Variants in PTCD2 observed in about 807,000 individuals in gnomAD.
PTCD2 encodes pentatricopeptide repeat-containing protein 2, mitochondrial.
PTCD2 carries 31 observed loss-of-function variants against 42.6 expected under a neutral mutation model. The observed-to-expected ratio is 0.73, with a 90% CI of 0.55 to 0.98. The LOEUF is 0.98. Among genes scored for constraint, PTCD2 ranks in the 50% least tolerant of loss-of-function variants. The pLI is 0.00. For missense variants in PTCD2, 476 were observed against 454.8 expected (o/e 1.05, Z -0.42); for synonymous variants, 183 against 170.9 (o/e 1.07, Z -0.55).
At chr5:72,326,561 T>G (rs1312112569) in intron 2 of PTCD2, 51 bp from the exon 3 acceptor site, 1 of 1,606,806 alleles carries the variant, frequency 6.2e-7, no homozygotes, top group Non-Finnish European at 8.5e-7. Flanking sequence ...TCAGACTCCT[T>G]ATACTCTCAG....
rs1362484204 is a variant in PTCD2 at position 72,362,010 on chromosome 5, T to C, written c.*3583T>C. The C allele has an allele frequency of 6.6e-5, 10 of 152,296 alleles. No homozygotes were observed. The East Asian group carries it at 1.9e-3, about 29-fold the overall frequency. 9.4% of individuals were successfully genotyped at this position (152,296 alleles called of 1,614,324 possible). A position where few individuals can be genotyped will look rare whatever the true frequency, so the allele number is the denominator to read the frequency against. ...TGCCATGTCTGTCCTTTCTGCTCTG[T>C]TTGCTGGGTGCCTAGCATGGTAGGG... On this transcript the variant is annotated 3_prime_UTR_variant, in exon 10 of 10. Transcript: ENST00000380639.
rs938983819 is a variant in PTCD2, at chr5:72,360,361, T to A, written c.*1934T>A. ...TGTGGGTGAGTGTGGCCTTGGTTGTTAGCTAACAACCATTCATTAGCGAAA... is the reference window on the plus strand; with the variant it reads ...TGTGGGTGAGTGTGGCCTTGGTTGTAAGCTAACAACCATTCATTAGCGAAA... On this transcript the variant is annotated 3_prime_UTR_variant, in exon 10 of 10. Transcript: ENST00000380639. 1 of 152,206 alleles carries A rather than the reference T, an allele frequency of 6.6e-6. No homozygotes were observed. The highest frequency in any genetic ancestry group is 6.5e-5 in the Admixed American group (1 of 15,284). 9.4% of individuals were successfully genotyped at this position (152,206 alleles called of 1,614,324 possible). A position where few individuals can be genotyped will look rare whatever the true frequency, so the allele number is the denominator to read the frequency against.
chr5:72,322,352 C>T (rs1241170372), intron 2 of PTCD2, 88 bp downstream of exon 2: 3 of 789,530 alleles, frequency 3.8e-6, no homozygotes, highest in Non-Finnish European at 6.5e-6. Flanking sequence ...CCTTCAGTGA[C>T]TTTATTATGC....
At chr5:72,355,175 G>T (rs751736590) in intron 9 of PTCD2, among the ~76,000 whole-genome samples, 27 of 152,184 alleles carry the variant, frequency 1.8e-4, no homozygotes, top group East Asian at 5.8e-4. Context: ...GACTTTATCA[G>T]TCCTAAAGGT....
In PTCD2 at chr5:72,367,673, A is replaced by T. The variant is rs1753234301; in HGVS notation, c.*9246A>T. ...GGCCATTTGGTCAAACACCTCTAGG[A>T]GTCTGGAGTTGAGTGGCCAGAACTC... On this transcript the variant is annotated 3_prime_UTR_variant, in exon 10 of 10. Transcript: ENST00000380639. The T allele has an allele frequency of 6.6e-6, 1 of 152,202 alleles. No homozygotes were observed. The highest frequency in any genetic ancestry group is 6.5e-5 in the Admixed American group (1 of 15,284). 9.4% of individuals were successfully genotyped at this position (152,202 alleles called of 1,614,324 possible).
chr5:72,322,057 C>T, intron 1 of PTCD2, 115 bp from the exon 2 acceptor site: 2 of 612,548 alleles, frequency 3.3e-6, no homozygotes, highest in East Asian at 2.7e-5. Flanking sequence ...ATATTTGTAC[C>T]TGTCTAATGG....
intron 9 of PTCD2, among the ~76,000 whole-genome samples, chr5:72,354,624 T>C (rs1346504509): frequency 1.3e-5 from 2 of 152,168 alleles, no homozygotes; most frequent in African/African-American, 4.8e-5. Flanking sequence ...TTGGTGAGGC[T>C]CTGAGGAAAT....
intron 3 of PTCD2, among the ~76,000 whole-genome samples, chr5:72,328,065 GA>G (rs1450336735): frequency 5.3e-5 from 8 of 152,136 alleles, no homozygotes; most frequent in African/African-American, 1.7e-4. Context: ...AAAAAGTAGA[GA>G]GAAGTAATAT....
chr5:72,320,500 C>T lies in PTCD2; in HGVS notation c.118C>T (p.Pro40Ser). 4 of 1,613,918 alleles carry T rather than the reference C, an allele frequency of 2.5e-6. No individual in the cohort carries two copies. The highest frequency in any genetic ancestry group is 3.4e-6 in the Non-Finnish European group (4 of 1,180,028). Residue 40 changes from proline (P) to serine (S), a missense_variant, in exon 1 of 10, where the codon CCT becomes TCT. Pro to Ser is a moderately conservative substitution (Grantham distance 74). Coordinates refer to ENST00000380639, the MANE Select transcript of PTCD2 (RefSeq NM_024754.5). ...GGSGSVSCRC[P>S]LGAKRYLLTD... ...CTCCGGCTCTGTCAGCTGCCGCTGC[C>T]CTCTCGGAGGTATCCGCGGCTTTAG...
intron 2 of PTCD2, among the ~76,000 whole-genome samples, chr5:72,322,827 A>C (rs1750933157): frequency 6.6e-6 from 1 of 152,210 alleles, no homozygotes; most frequent in Non-Finnish European, 1.5e-5. Flanking sequence ...AGGATCAAAA[A>C]TTTCTTAAAA....
chr5:72,358,535 GTCT>G lies in PTCD2; in HGVS notation c.*112_*114del. ...TCAGCAGACAGTGTGCTGACACTTG[GTCT>G]TCTCCTGAAATTCCCAAATTCACTG... On this transcript the variant is annotated 3_prime_UTR_variant, in exon 10 of 10. Coordinates refer to ENST00000380639, the MANE Select transcript of PTCD2 (RefSeq NM_024754.5). The G allele has an allele frequency of 1.3e-6, 1 of 765,910 alleles. No individual in the cohort carries two copies. The highest frequency in any genetic ancestry group is 2.2e-6 in the Non-Finnish European group (1 of 459,922). 47.4% of individuals were successfully genotyped at this position (765,910 alleles called of 1,614,324 possible).
chr5:72,334,828 C>T (rs536386544), intron 4 of PTCD2, among the ~76,000 whole-genome samples, 190 bp from the exon 5 acceptor site: 5 of 152,206 alleles, frequency 3.3e-5, no homozygotes, highest in South Asian at 2.1e-4. Context: ...AGATTATAGG[C>T]GTGAGCCACC....
intron 8 of PTCD2, among the ~76,000 whole-genome samples, chr5:72,349,881 G>C (rs1752536164): frequency 6.6e-6 from 1 of 152,176 alleles, no homozygotes; most frequent in Admixed American, 6.6e-5. Context: ...AAGGTAATGA[G>C]CCTTATTTTT....
chr5:72,345,525 G>C (rs1453303157), intron 8 of PTCD2, among the ~76,000 whole-genome samples: 1 of 152,234 alleles, frequency 6.6e-6, no homozygotes, highest in South Asian at 2.1e-4. Context: ...GATTGGGGAA[G>C]TGATAAGTGT....
chr5:72,341,205 C>G (rs1752040941), intron 7 of PTCD2, among the ~76,000 whole-genome samples: 1 of 151,764 alleles, frequency 6.6e-6, no homozygotes, highest in Non-Finnish European at 1.5e-5. Context: ...TGGCCATGCC[C>G]AGCTGCTTTT....
chr5:72,335,679 T>G, intron 5 of PTCD2, 115 bp from the exon 6 acceptor site: 1 of 543,346 alleles, frequency 1.8e-6, no homozygotes, highest in Non-Finnish European at 3.3e-6. Context: ...CTTTGAGGAA[T>G]AGCTTTTATT....
intron 9 of PTCD2, among the ~76,000 whole-genome samples, chr5:72,353,157 A>G (rs73102454): frequency 0.019 from 2,865 of 152,282 alleles, 100 homozygotes; most frequent in African/African-American, 0.064. Context: ...CATGACTGCT[A>G]CATAGAGAGC....
In PTCD2 at chr5:72,362,312, C is replaced by G. The variant is rs925782428; in HGVS notation, c.*3885C>G. ...AAACAAGCCCAAAGAAATTTGGTCA[C>G]CCCTTCCTTTAAGCGAGGTCATGGC... On this transcript the variant is annotated 3_prime_UTR_variant, in exon 10 of 10. Coordinates refer to ENST00000380639, the MANE Select transcript of PTCD2 (RefSeq NM_024754.5). 6.6e-6 allele frequency: 1 copy of G among 152,158 alleles called. No homozygotes were observed. The highest frequency in any genetic ancestry group is 1.5e-5 in the Non-Finnish European group (1 of 68,044). 9.4% of individuals were successfully genotyped at this position (152,158 alleles called of 1,614,324 possible). A position where few individuals can be genotyped will look rare whatever the true frequency, so the allele number is the denominator to read the frequency against.
At position 72,343,906 on chromosome 5, in the gene PTCD2, A is replaced by T. The variant is rs967750925; in HGVS notation, c.828+870A>T. 2.6e-5 allele frequency among the ~76,000 whole-genome samples: 4 copies of T among 152,264 alleles called. No homozygotes were observed. The South Asian group carries it at 6.2e-4, about 24-fold the overall frequency. On this transcript the variant is annotated intron_variant, in intron 8 of 9. Coordinates refer to ENST00000380639, the MANE Select transcript of PTCD2 (RefSeq NM_024754.5). ...ACTTGTGTGGGGGGAGTTGCAAAAG[A>T]AAAAAACTTTCAGGAGCTTATAGTC...
Sources: gnomAD v4.1 joint callset for allele counts (sites outside exome capture counted in the v4.1 genomes callset) on GRCh38, gnomAD v4.1.1 for gene constraint, MANE v1.5 for transcripts, NCBI Gene and HGNC (gene_info 2026-07-23, HGNC 2026-07-21) for gene names.